Variants in SERPINC1 observed in about 807,000 individuals in gnomAD.
The protein encoded by SERPINC1 is serpin family C member 1, also known as antithrombin-III.
Under a neutral mutation model 43.4 loss-of-function variants are expected in SERPINC1, and 12 were observed. The ratio of observed to expected loss-of-function variants is 0.28; its 90% CI spans 0.18 to 0.45. The LOEUF is 0.45. SERPINC1 is among the 20% of genes least tolerant of loss of function. The pLI is 1.00. For synonymous variants in SERPINC1, 210 were observed against 218.9 expected, an observed-to-expected ratio of 0.96 and a Z score of 0.36; for missense variants, 423 against 578.8, an observed-to-expected ratio of 0.73 and a Z score of 2.76.
chr1:173,915,845 C>T (rs1657966568), intron 1 of SERPINC1, among the ~76,000 whole-genome samples: 1 of 152,176 alleles, frequency 6.6e-6, no homozygotes, highest in Admixed American at 6.5e-5. Flanking sequence ...GAAACAGGAC[C>T]AAACTGAACT....
In SERPINC1 at chr1:173,909,049, G is replaced by A. The variant is rs571595163; in HGVS notation, c.1153+503C>T. Among the ~76,000 whole-genome samples the A allele has an allele frequency of 7.9e-5, 12 of 152,230 alleles. No individual in the cohort carries two copies. In the East Asian group the frequency reaches 2.1e-3, roughly 27 times the overall value. ...ATGGTGACGTGTGCCTGTAATCCCA[G>A]CTACTCAGGAGGCTGAGGCATGAGA... On this transcript the variant is annotated intron_variant, in intron 5 of 6. Coordinates refer to ENST00000367698, the MANE Select transcript of SERPINC1 (RefSeq NM_000488.4).
intron 5 of SERPINC1, among the ~76,000 whole-genome samples, chr1:173,908,154 C>T (rs1174668849): frequency 6.6e-6 from 1 of 151,922 alleles, no homozygotes; most frequent in African/African-American, 2.4e-5. Flanking sequence ...GAAGGAACAT[C>T]TTTCTTTCCA....
At chr1:173,913,646 G>A (rs1488450949) in intron 2 of SERPINC1, among the ~76,000 whole-genome samples, 1 of 152,180 alleles carries the variant, frequency 6.6e-6, no homozygotes, top group Non-Finnish European at 1.5e-5. Flanking sequence ...CACGAGGTCA[G>A]GAGTTCAAGA....
intron 3 of SERPINC1, 118 bp from the exon 4 acceptor site, chr1:173,911,009 G>A: frequency 8.2e-7 from 1 of 1,224,092 alleles, no homozygotes. Context: ...ATTTGATTAA[G>A]AAGCCATTGC....
chr1:173,911,708 G>T, intron 3 of SERPINC1, 91 bp downstream of exon 3: 1 of 1,020,230 alleles, frequency 9.8e-7, no homozygotes, highest in South Asian at 1.3e-5. Flanking sequence ...CAGCAGCAAA[G>T]CAGTGTGAAT....
At chr1:173,904,802 A>G (rs1173434664) in intron 6 of SERPINC1, among the ~76,000 whole-genome samples, 1 of 151,730 alleles carries the variant, frequency 6.6e-6, no homozygotes, top group Non-Finnish European at 1.5e-5. Context: ...CTATCTCCCC[A>G]TATTACCTAT....
At chr1:173,904,515 T>C (rs1193509377) in intron 6 of SERPINC1, among the ~76,000 whole-genome samples, 1 of 152,198 alleles carries the variant, frequency 6.6e-6, no homozygotes, top group Non-Finnish European at 1.5e-5. Context: ...CTAGGGCCTA[T>C]GAAAAGAGGT....
Position 173,909,739 on chromosome 1 carries a change from C to T in SERPINC1, c.966G>A (p.Lys322=), listed in dbSNP as rs984249696. Residue 322 remains lysine, a synonymous_variant, in exon 5 of 7, where the codon AAG becomes AAA. Transcript: ENST00000367698. ...TMVLILPKPE[K]SLAKVEKELT... is the part of the protein sequence containing the mutation. ...GTTCCTTCTCTACCTTGGCCAGGCT[C>T]TTCTCAGGCTTGGGCAAGATGAGGA... 9 of 1,614,076 alleles carry T rather than the reference C, an allele frequency of 5.6e-6. No homozygotes were observed. The African/African-American group carries it at 1.2e-4, about 22-fold the overall frequency.
At chr1:173,916,738 G>A (rs1658007179) in intron 1 of SERPINC1, among the ~76,000 whole-genome samples, 1 of 152,146 alleles carries the variant, frequency 6.6e-6, no homozygotes, top group African/African-American at 2.4e-5. Context: ...ATTGAGGGAG[G>A]GACAACTCTC....
chr1:173,910,944 C>G (rs1572089658), intron 3 of SERPINC1, 53 bp from the exon 4 acceptor site: 2 of 1,594,848 alleles, frequency 1.3e-6, no homozygotes, highest in Admixed American at 3.3e-5. Flanking sequence ...ATTGGCTTCT[C>G]CATTTTCCCA....
intron 1 of SERPINC1, among the ~76,000 whole-genome samples, chr1:173,915,408 G>T (rs1235583846): frequency 1.3e-5 from 2 of 152,166 alleles, no homozygotes. Flanking sequence ...GGGTGCGGTG[G>T]CTCACGCCTG....
chr1:173,915,093 T>G lies in SERPINC1; in HGVS notation c.42-174A>C, dbSNP rs1472419987. Reference sequence around the variant, plus strand: ...CGGGACAGGTTCAGTCCTAGACTTCTTGCCAGGGGACAGTTCAGTTGCCTG... The same window carrying G: ...CGGGACAGGTTCAGTCCTAGACTTCGTGCCAGGGGACAGTTCAGTTGCCTG... On this transcript the variant is annotated intron_variant, in intron 1 of 6. Coordinates refer to ENST00000367698, the MANE Select transcript of SERPINC1 (RefSeq NM_000488.4). The G allele has an allele frequency of 2.7e-6, 4 of 1,474,256 alleles. No individual in the cohort carries two copies. In the African/African-American group the frequency reaches 5.6e-5, roughly 21 times the overall value. 91.3% of individuals were successfully genotyped at this position (1,474,256 alleles called of 1,614,324 possible).
intron 6 of SERPINC1, among the ~76,000 whole-genome samples, chr1:173,904,269 C>A (rs1657389828): frequency 6.6e-6 from 1 of 152,178 alleles, no homozygotes; most frequent in African/African-American, 2.4e-5. Context: ...TTTGTCCAAG[C>A]CTTGTGCTAG....
Position 173,917,078 on chromosome 1 carries a change from C to T in SERPINC1, c.41+141G>A, listed in dbSNP as rs2227589. ...GTGGGAGGGAGAGCACTTGAAATGA[C>T]GTCTTCCAAACAGGTCTTTGACTGT... On this transcript the variant is annotated intron_variant, in intron 1 of 6. Coordinates refer to ENST00000367698, the MANE Select transcript of SERPINC1 (RefSeq NM_000488.4). The T allele has an allele frequency of 0.11, 84,506 of 754,080 alleles. 5,754 individuals carry two copies. Among genetic ancestry groups the T allele is most frequent in the East Asian group, 0.28 (10,845 of 38,660 alleles). 46.7% of individuals were successfully genotyped at this position (754,080 alleles called of 1,614,324 possible).
rs773751914 is a variant in SERPINC1 at position 173,914,760 on chromosome 1, G to A, written c.201C>T (p.Gly67=). Reference sequence around the variant, plus strand: ...TGGCCTCCGGGATCTTCTGTTCTGAGCCCTCATCCTCAGTTGCCTTCTTCT... The same window carrying A: ...TGGCCTCCGGGATCTTCTGTTCTGAACCCTCATCCTCAGTTGCCTTCTTCT... The part of the protein sequence containing the change: ...SPEKKATEDE[G]SEQKIPEATN... The change falls in exon 2 of 7, where the codon GGC becomes GGT. Residue 67 remains glycine (G), a synonymous_variant. Transcript: ENST00000367698. 124 of 1,614,122 alleles carry A rather than the reference G, an allele frequency of 7.7e-5. No individual in the cohort carries two copies. The highest frequency in any genetic ancestry group is 1.0e-4 in the Non-Finnish European group (121 of 1,180,048).
chr1:173,915,289 G>A, intron 1 of SERPINC1: 1 of 566,396 alleles, frequency 1.8e-6, no homozygotes, highest in Non-Finnish European at 2.5e-6. Flanking sequence ...GGTAGGGGGA[G>A]CCATCTACAG....
intron 6 of SERPINC1, among the ~76,000 whole-genome samples, chr1:173,906,821 A>G (rs773168881): frequency 5.3e-5 from 8 of 151,710 alleles, no homozygotes; most frequent in Non-Finnish European, 8.8e-5. Context: ...TTTTCTTAAA[A>G]CTTCTCCCTA....
intron 6 of SERPINC1, among the ~76,000 whole-genome samples, chr1:173,905,362 C>CTGA (rs1657450288): frequency 6.6e-6 from 1 of 152,204 alleles, no homozygotes; most frequent in African/African-American, 2.4e-5. Flanking sequence ...TATCCCCACA[C>CTGA]TGATGATTTT....
chr1:173,914,685 G>A lies in SERPINC1; in HGVS notation c.276C>T (p.Thr92=). 1.2e-6 allele frequency: 2 copies of A among 1,614,256 alleles called. No homozygotes were observed. The highest frequency in any genetic ancestry group is 1.7e-6 in the Non-Finnish European group (2 of 1,180,046). The change falls in exon 2 of 7, where the codon ACC becomes ACT. Residue 92 remains threonine (T), a synonymous_variant. Coordinates refer to ENST00000367698, the MANE Select transcript of SERPINC1 (RefSeq NM_000488.4). ...ELSKANSRFA[T]TFYQHLADSK... is the part of the protein sequence containing the mutation. ...AATCTGCCAGGTGCTGATAGAAAGTGGTAGCAAAGCGGGAATTGGCCTTGG... is the reference window on the plus strand; with the variant it reads ...AATCTGCCAGGTGCTGATAGAAAGTAGTAGCAAAGCGGGAATTGGCCTTGG...
Sources: gnomAD v4.1 joint callset for allele counts (sites outside exome capture counted in the v4.1 genomes callset) on GRCh38, gnomAD v4.1.1 for gene constraint, MANE v1.5 for transcripts, NCBI Gene and HGNC (gene_info 2026-07-23, HGNC 2026-07-21) for gene names.